CACNB2: variants seen among roughly 807,000 people sequenced by gnomAD.
CACNB2 encodes the protein voltage-dependent L-type calcium channel subunit beta-2.
Under a neutral mutation model 73.3 loss-of-function variants are expected in CACNB2, and 42 were observed. The observed-to-expected ratio is 0.57, with a 90% CI of 0.45 to 0.74. The LOEUF is 0.74. CACNB2 is among the 30% of genes least tolerant of loss of function. The pLI is 0.00. For synonymous variants in CACNB2, 348 were observed against 310.3 expected, an observed-to-expected ratio of 1.12 and a Z score of -1.28; for missense variants, 940 against 853.0, an observed-to-expected ratio of 1.10 and a Z score of -1.27.
At chr10:18,365,258 G>A (rs1187265649) in intron 2 of CACNB2, among the ~76,000 whole-genome samples, 1 of 152,216 alleles carries the variant, frequency 6.6e-6, no homozygotes, top group Non-Finnish European at 1.5e-5. Flanking sequence ...ATGCAATCAA[G>A]CTGATTGGCT....
In CACNB2 at chr10:18,156,564, C is replaced by A. The variant is rs80209614; in HGVS notation, c.213+5589C>A. ...CATAGGGGTCATTGGCTGTGCGTGG[C>A]AGATGTTAGTGGGATTTCCCATGAA... On this transcript the variant is annotated intron_variant, in intron 2 of 13. Transcript: ENST00000324631. 5.8e-4 allele frequency among the ~76,000 whole-genome samples: 89 copies of A among 152,266 alleles called. No individual in the cohort carries two copies. The East Asian group carries it at 0.015, about 26-fold the overall frequency.
rs546951474 is a variant in CACNB2, at chr10:18,361,950, C to T, written c.214-39974C>T. ...CTTAATTGCTGTTTCCCAAAACCAA[C>T]CCCTGTTTCTAACTTCCATATTATT... is the stretch of plus-strand genomic sequence containing the variant. On this transcript the variant is annotated intron_variant, in intron 2 of 13. Coordinates refer to ENST00000324631, the MANE Select transcript of CACNB2 (RefSeq NM_201596.3). Among the ~76,000 whole-genome samples, 197 of 152,228 alleles carry T rather than the reference C, an allele frequency of 1.3e-3. 1 individual carries two copies. The highest frequency in any genetic ancestry group is 4.5e-3 in the African/African-American group (186 of 41,534).
chr10:18,339,082 C>G (rs2041130873), intron 2 of CACNB2, among the ~76,000 whole-genome samples: 1 of 152,032 alleles, frequency 6.6e-6, no homozygotes, highest in Admixed American at 6.5e-5. Context: ...TAGCTAGGGA[C>G]ATTTCATTCA....
At chr10:18,346,804 C>T (rs1413223706) in intron 2 of CACNB2, among the ~76,000 whole-genome samples, 1 of 151,892 alleles carries the variant, frequency 6.6e-6, no homozygotes, top group Non-Finnish European at 1.5e-5. Context: ...ACTTTGTTAC[C>T]CAGGCTGGTC....
chr10:18,464,418 T>TTAAAAAAAAAAAAAAAAAAACAA (rs1360690647), intron 3 of CACNB2, among the ~76,000 whole-genome samples: 1 of 85,298 alleles, frequency 1.2e-5, no homozygotes, highest in Non-Finnish European at 2.3e-5. Flanking sequence ...TCTCAAAAAT[T>TTAAAAAAAAAAAAAAAAAAACAA]AAAAAAAAAA....
intron 2 of CACNB2, among the ~76,000 whole-genome samples, chr10:18,373,992 C>G (rs1564480454): frequency 6.6e-6 from 1 of 152,190 alleles, no homozygotes; most frequent in Non-Finnish European, 1.5e-5. Context: ...TAGCCTCCCT[C>G]TTTCACACTC....
chr10:18,434,265 A>G (rs1035603722), intron 3 of CACNB2, among the ~76,000 whole-genome samples: 3 of 152,206 alleles, frequency 2.0e-5, no homozygotes, highest in African/African-American at 7.2e-5. Context: ...TTCATGATTT[A>G]GTCAGGAAGA....
intron 2 of CACNB2, among the ~76,000 whole-genome samples, chr10:18,242,557 A>C: frequency 6.6e-6 from 1 of 152,214 alleles, no homozygotes; most frequent in Non-Finnish European, 1.5e-5. Context: ...ATTTGAAGCA[A>C]ATATATAAAT....
intron 2 of CACNB2, among the ~76,000 whole-genome samples, chr10:18,323,167 C>T (rs1375711706): frequency 6.6e-6 from 1 of 151,746 alleles, no homozygotes; most frequent in Non-Finnish European, 1.5e-5. Flanking sequence ...CTGTGTTGCC[C>T]AGGCTGGTCT....
chr10:18,428,198 T>C (rs2045701968), intron 3 of CACNB2, among the ~76,000 whole-genome samples: 4 of 152,206 alleles, frequency 2.6e-5, no homozygotes, highest in African/African-American at 9.6e-5. Flanking sequence ...ACATTTCAAA[T>C]GGGAGAGAGC....
chr10:18,246,471 T>C (rs2036864558), intron 2 of CACNB2, among the ~76,000 whole-genome samples: 2 of 152,216 alleles, frequency 1.3e-5, no homozygotes, highest in Non-Finnish European at 2.9e-5. Context: ...AAAGATAGGC[T>C]CTGTGTATTG....
chr10:18,514,866 C>T, intron 7 of CACNB2: 2 of 764,728 alleles, frequency 2.6e-6, no homozygotes, highest in South Asian at 3.0e-5. Context: ...TATGATCAAA[C>T]ATATTAAAGC....
rs377426835 is a variant in CACNB2, at chr10:18,498,205, G to T, written c.334-150G>T. ...GGGAGATTTCAAGTGTTTTGAATACGAACAAGCTGTTTTGTGATAAAGAAC... is the reference window on the plus strand; with the variant it reads ...GGGAGATTTCAAGTGTTTTGAATACTAACAAGCTGTTTTGTGATAAAGAAC... On this transcript the variant is annotated intron_variant, in intron 3 of 13. Coordinates refer to ENST00000324631, the MANE Select transcript of CACNB2 (RefSeq NM_201596.3). The T allele has an allele frequency of 3.2e-5, 29 of 916,336 alleles. No homozygotes were observed. The African/African-American group carries it at 3.8e-4, about 12-fold the overall frequency. 56.8% of individuals were successfully genotyped at this position (916,336 alleles called of 1,614,324 possible).
intron 2 of CACNB2, among the ~76,000 whole-genome samples, chr10:18,154,131 T>G (rs1437898453): frequency 6.6e-6 from 1 of 152,028 alleles, no homozygotes; most frequent in Non-Finnish European, 1.5e-5. Context: ...AACCTTAGAA[T>G]TTTATTGTTA....
intron 2 of CACNB2, among the ~76,000 whole-genome samples, chr10:18,156,357 A>T (rs1324384541): frequency 6.6e-6 from 1 of 152,250 alleles, no homozygotes; most frequent in Non-Finnish European, 1.5e-5. Flanking sequence ...TTAGTTAGTC[A>T]ATTAACTAGT....
chr10:18,514,295 C>T lies in CACNB2; in HGVS notation c.730C>T (p.Arg244Cys), dbSNP rs537573375. ...AEENDIPANHRSPKPSANSVT... is the reference protein window; with the variant it reads ...AEENDIPANHCSPKPSANSVT... ...AGAAAATGATATTCCAGCAAACCACCGCTCCCCTAAACCCAGTGCAAACAG... is the reference window on the plus strand; with the variant it reads ...AGAAAATGATATTCCAGCAAACCACTGCTCCCCTAAACCCAGTGCAAACAG... The change falls in exon 7 of 14, where the codon CGC (arginine) becomes TGC (cysteine). Residue 244 changes from arginine (R) to cysteine (C), a missense_variant. Physicochemically the swap from Arg to Cys is radical, Grantham distance 180 (BLOSUM62 -3). Transcript: ENST00000324631. 2.4e-5 allele frequency: 38 copies of T among 1,614,028 alleles called. No homozygotes were observed. In the South Asian group the frequency reaches 2.9e-4, roughly 12 times the overall value.
intron 10 of CACNB2, among the ~76,000 whole-genome samples, chr10:18,530,265 T>C (rs183695577): frequency 2.7e-4 from 41 of 152,276 alleles, no homozygotes; most frequent in African/African-American, 4.8e-4. Context: ...TAGCAAATAC[T>C]TGAATACCAA....
At chr10:18,529,480 C>A (rs2133242007) in intron 10 of CACNB2, among the ~76,000 whole-genome samples, 1 of 152,286 alleles carries the variant, frequency 6.6e-6, no homozygotes, top group Middle Eastern at 3.4e-3. Context: ...TGCCAAAGAG[C>A]TGTTGCTGCA....
At chr10:18,402,969 G>A (rs915093873) in intron 3 of CACNB2, among the ~76,000 whole-genome samples, 2 of 152,180 alleles carry the variant, frequency 1.3e-5, no homozygotes, top group African/African-American at 4.8e-5. Context: ...TGGGAATTGT[G>A]GTTAGGAGAT....
Sources: gnomAD v4.1 joint callset for allele counts (sites outside exome capture counted in the v4.1 genomes callset) on GRCh38, gnomAD v4.1.1 for gene constraint, MANE v1.5 for transcripts, NCBI Gene and HGNC (gene_info 2026-07-23, HGNC 2026-07-21) for gene names.